The following SLC67A1 variants were observed in gnomAD, a reference collection of about 807,000 sequenced individuals.
The protein encoded by SLC67A1 is solute carrier family 67 member A1.
At chr11:2,907,826 C>A in the SLC67A1 span, among the ~76,000 whole-genome samples, 1 of 152,234 alleles carries the variant, frequency 6.6e-6, no homozygotes, top group African/African-American at 2.4e-5. This position sits in a 1 kb window ranked among gnomAD's most constrained non-coding sequence, Gnocchi z 6.7. Context: ...CTGTGTCCTG[C>A]TGGGCAATGG....
At chr11:2,900,468 C>T in the SLC67A1 span, among the ~76,000 whole-genome samples, 1,489 of 151,816 alleles carry the variant, frequency 9.8e-3, 28 homozygotes, top group African/African-American at 0.034. Flanking sequence ...CGAGGGGGGG[C>T]GGATCACGAG....
the SLC67A1 span, among the ~76,000 whole-genome samples, chr11:2,904,479 G>A: frequency 6.6e-6 from 1 of 152,250 alleles, no homozygotes; most frequent in Non-Finnish European, 1.5e-5. Flanking sequence ...GGCTGGGCAG[G>A]AGCCTTGCTT....
the SLC67A1 span, among the ~76,000 whole-genome samples, chr11:2,901,487 G>A: frequency 9.2e-5 from 14 of 152,380 alleles, no homozygotes; most frequent in South Asian, 1.2e-3. Flanking sequence ...AGGTGGGGCA[G>A]GAGTCCTGAA....
chr11:2,924,257 C>T, the SLC67A1 span, among the ~76,000 whole-genome samples: 8 of 152,162 alleles, frequency 5.3e-5, no homozygotes, highest in East Asian at 3.9e-4. The surrounding 1 kb of genome is among the most constrained non-coding windows in gnomAD (Gnocchi z 8.6). Context: ...TGGGGAGCCT[C>T]GGAAGCCGCT....
At chr11:2,921,830 A>G in the SLC67A1 span, 1 of 459,952 alleles carries the variant, frequency 2.2e-6, no homozygotes, top group East Asian at 3.5e-5. Flanking sequence ...CACCGAGCCC[A>G]TCCCCGGTGT....
At chr11:2,917,900 G>T in the SLC67A1 span, 1 of 1,008,546 alleles carries the variant, frequency 9.9e-7, no homozygotes, top group East Asian at 2.6e-5. Context: ...GCGCAACAGG[G>T]CCCTCCGAAT....
At chr11:2,916,847 G>A in the SLC67A1 span, 1 of 918,096 alleles carries the variant, frequency 1.1e-6, no homozygotes, top group South Asian at 1.5e-5. Flanking sequence ...GGGAAATCTG[G>A]GGGCTACTCA....
At chr11:2,908,414 C>A in the SLC67A1 span, 4 of 1,020,602 alleles carry the variant, frequency 3.9e-6, no homozygotes, top group Non-Finnish European at 5.8e-6. Context: ...GGGCCAGGTT[C>A]CCTGACCCCA....
At chr11:2,910,084 T>C in the SLC67A1 span, among the ~76,000 whole-genome samples, 1 of 152,128 alleles carries the variant, frequency 6.6e-6, no homozygotes, top group Non-Finnish European at 1.5e-5. Context: ...GCTGAGCTGT[T>C]GGACGGTGCC....
At chr11:2,918,307 G>C in the SLC67A1 span, among the ~76,000 whole-genome samples, 1 of 152,384 alleles carries the variant, frequency 6.6e-6, no homozygotes, top group East Asian at 1.9e-4. Flanking sequence ...GGCCCCCACG[G>C]GCAGAGGGCC....
chr11:2,920,649 A>C, the SLC67A1 span: 1 of 152,628 alleles, frequency 6.6e-6, no homozygotes, highest in African/African-American at 2.4e-5. Flanking sequence ...CAGGTTGAGC[A>C]GCGGGAGAGG....
At chr11:2,903,282 GC>G in the SLC67A1 span, 2 of 1,579,808 alleles carry the variant, frequency 1.3e-6, no homozygotes, top group Non-Finnish European at 8.6e-7. Flanking sequence ...CTGGACTTTT[GC>G]CCCCTGCTCC....
the SLC67A1 span, among the ~76,000 whole-genome samples, chr11:2,912,206 G>A: frequency 6.6e-6 from 1 of 152,242 alleles, no homozygotes; most frequent in Non-Finnish European, 1.5e-5. Flanking sequence ...CAGGAGGGCT[G>A]CGGGGTTGAC....
At chr11:2,922,202 T>C in the SLC67A1 span, 3 of 1,612,150 alleles carry the variant, frequency 1.9e-6, no homozygotes, top group Admixed American at 5.0e-5. Context: ...GGCCTGGCCA[T>C]GGTGAGGGCT....
At chr11:2,909,708 C>T in the SLC67A1 span, 29 of 1,527,154 alleles carry the variant, frequency 1.9e-5, no homozygotes, top group South Asian at 1.2e-4. Flanking sequence ...TCTCCGCGTA[C>T]GGGTGAGTGG....
the SLC67A1 span, among the ~76,000 whole-genome samples, chr11:2,912,364 C>T: frequency 6.6e-6 from 1 of 151,988 alleles, no homozygotes; most frequent in Non-Finnish European, 1.5e-5. Context: ...GCCCCCTGGC[C>T]CTCTTGGTCC....
chr11:2,922,694 GGGTGGGGT>G, the SLC67A1 span: 302 of 436,510 alleles, frequency 6.9e-4, no homozygotes, highest in African/African-American at 2.6e-3. Context: ...TGAGTGGAGT[GGGTGGGGT>G]GGGGGCTTGG....
At chr11:2,909,585 G>C in the SLC67A1 span, 1 of 1,529,186 alleles carries the variant, frequency 6.5e-7, no homozygotes, top group South Asian at 1.2e-5. Flanking sequence ...CAGCCGCCCA[G>C]ATGGTCATCA....
At chr11:2,902,708 C>T in the SLC67A1 span, 8 of 985,558 alleles carry the variant, frequency 8.1e-6, no homozygotes, top group East Asian at 1.1e-4. Flanking sequence ...GACAGCACTC[C>T]GCTGTGGGAG....
Sources: gnomAD v4.1 joint callset for allele counts (sites outside exome capture counted in the v4.1 genomes callset) on GRCh38, gnomAD v4.1.1 for gene constraint, Gnocchi (gnomAD v3.1) non-coding constraint, MANE v1.5 for transcripts, NCBI Gene and HGNC (gene_info 2026-07-23, HGNC 2026-07-21) for gene names.